Variants in SLC22A15 observed in about 807,000 individuals in gnomAD.
The protein encoded by SLC22A15 is flipt 1.
A neutral mutation model predicts 62.7 loss-of-function variants in SLC22A15; 45 were observed. The ratio of observed to expected loss-of-function variants is 0.72; its 90% CI spans 0.56 to 0.92. The LOEUF is 0.92. SLC22A15 is among the 40% of genes least tolerant of loss of function. The probability of loss-of-function intolerance (pLI) is 0.00; values close to 1 mark genes in which losing one functional copy is unlikely to be tolerated. For missense variants in SLC22A15, 622 were observed against 665.6 expected (o/e 0.93, Z 0.72); for synonymous variants, 264 against 267.0 (o/e 0.99, Z 0.11).
At chr1:116,026,547 A>G (rs999846018) in intron 4 of SLC22A15, among the ~76,000 whole-genome samples, 1 of 152,208 alleles carries the variant, frequency 6.6e-6, no homozygotes, top group South Asian at 2.1e-4. Context: ...TATTACCCAT[A>G]TGGCAAAAAT....
chr1:116,007,205 C>T (rs1273096167), intron 2 of SLC22A15, among the ~76,000 whole-genome samples: 2 of 152,148 alleles, frequency 1.3e-5, no homozygotes, highest in African/African-American at 4.8e-5. Context: ...AGCAGGTGCT[C>T]CAAGATGTAT....
At chr1:116,031,976 A>G (rs962503660) in intron 6 of SLC22A15, 1 of 1,066,162 alleles carries the variant, frequency 9.4e-7, no homozygotes, top group Non-Finnish European at 1.1e-6. Flanking sequence ...TGGCACTGGC[A>G]TCAAGCAGTT....
chr1:116,060,800 G>A (rs1020945959), intron 8 of SLC22A15, among the ~76,000 whole-genome samples: 2 of 152,180 alleles, frequency 1.3e-5, no homozygotes, highest in African/African-American at 2.4e-5. Flanking sequence ...TTTATCAGAA[G>A]CACCTTGTGG....
rs975070856 is a variant in SLC22A15 at position 116,068,113 on chromosome 1, A to G, written c.*1005A>G. The G allele has an allele frequency of 6.6e-6, 1 of 152,670 alleles. No homozygotes were observed. Among genetic ancestry groups the G allele is most frequent in the Non-Finnish European group, 1.5e-5 (1 of 68,038 alleles). 9.5% of individuals were successfully genotyped at this position (152,670 alleles called of 1,614,324 possible). A position where few individuals can be genotyped will look rare whatever the true frequency, so the allele number is the denominator to read the frequency against. The stretch of plus-strand genomic sequence containing the variant: ...AACTTCTTGTCCTAGATCAGCCCCA[A>G]TCTGTTTAATCAAAATGGAAGGTTC... On this transcript the variant is annotated 3_prime_UTR_variant, in exon 12 of 12. Coordinates refer to ENST00000369503, the MANE Select transcript of SLC22A15 (RefSeq NM_018420.3).
At chr1:116,038,226 T>A (rs966040812) in intron 8 of SLC22A15, among the ~76,000 whole-genome samples, 2 of 152,176 alleles carry the variant, frequency 1.3e-5, no homozygotes, top group Non-Finnish European at 2.9e-5. Context: ...GTTATGGAGC[T>A]TGCACTCCAG....
intron 8 of SLC22A15, among the ~76,000 whole-genome samples, chr1:116,046,234 GA>G (rs554577888): frequency 1.3e-5 from 2 of 151,568 alleles, no homozygotes; most frequent in Admixed American, 6.6e-5. Context: ...AGCACAAAAA[GA>G]AAAAAAATTC....
At position 115,988,851 on chromosome 1, in the gene SLC22A15, T is replaced by C. The variant is rs374194232; in HGVS notation, c.88-3180T>C. On this transcript the variant is annotated intron_variant, in intron 1 of 11. Coordinates refer to ENST00000369503, the MANE Select transcript of SLC22A15 (RefSeq NM_018420.3). ...CCGGGCTGAGGACCTAGTATTAATC[T>C]GAATGCAGTGTTTAAGCATTGCCTC... 2.8e-4 allele frequency among the ~76,000 whole-genome samples: 43 copies of C among 152,272 alleles called. No individual in the cohort carries two copies. In the South Asian group the frequency reaches 7.0e-3, roughly 25 times the overall value.
At chr1:116,043,942 A>C (rs1250460227) in intron 8 of SLC22A15, among the ~76,000 whole-genome samples, 1 of 152,230 alleles carries the variant, frequency 6.6e-6, no homozygotes, top group African/African-American at 2.4e-5. Flanking sequence ...TCTACTAAAA[A>C]AATTGAATTT....
intron 8 of SLC22A15, among the ~76,000 whole-genome samples, chr1:116,058,000 A>G (rs1362671826): frequency 6.6e-6 from 1 of 152,062 alleles, no homozygotes; most frequent in African/African-American, 2.4e-5. Context: ...TGGCACATGT[A>G]TACATATGTA....
At chr1:116,042,172 C>T (rs1657806306) in intron 8 of SLC22A15, among the ~76,000 whole-genome samples, 1 of 150,720 alleles carries the variant, frequency 6.6e-6, no homozygotes, top group Admixed American at 6.6e-5. Flanking sequence ...GAAAATACCT[C>T]CCACAAGTAG....
At chr1:116,049,734 A>G (rs947095946) in intron 8 of SLC22A15, among the ~76,000 whole-genome samples, 1 of 152,184 alleles carries the variant, frequency 6.6e-6, no homozygotes, top group African/African-American at 2.4e-5. Context: ...AGCAGAAGAA[A>G]GGAAATAACC....
At chr1:116,045,690 G>GA (rs1657912981) in intron 8 of SLC22A15, among the ~76,000 whole-genome samples, 1 of 130,502 alleles carries the variant, frequency 7.7e-6, no homozygotes, top group Non-Finnish European at 1.5e-5. Flanking sequence ...AGTGAGCCAA[G>GA]ATCGTGCTAC....
intron 8 of SLC22A15, among the ~76,000 whole-genome samples, chr1:116,045,849 A>G (rs1480805117): frequency 6.6e-6 from 1 of 151,962 alleles, no homozygotes; most frequent in Admixed American, 6.6e-5. Flanking sequence ...TATGAAATAG[A>G]ACCACATATA....
At chr1:116,030,415 G>A (rs984826521) in intron 5 of SLC22A15, among the ~76,000 whole-genome samples, 16 of 151,820 alleles carry the variant, frequency 1.1e-4, no homozygotes, top group Admixed American at 9.2e-4. Flanking sequence ...ATTCATCTAA[G>A]TTTCATTTTA....
chr1:115,985,633 T>C (rs1401301253), intron 1 of SLC22A15, among the ~76,000 whole-genome samples: 1 of 152,076 alleles, frequency 6.6e-6, no homozygotes, highest in African/African-American at 2.4e-5. Flanking sequence ...GGTCAGCTGG[T>C]GGTGTTACCA....
intron 8 of SLC22A15, among the ~76,000 whole-genome samples, chr1:116,046,065 C>T (rs898949120): frequency 1.3e-5 from 2 of 152,130 alleles, no homozygotes; most frequent in Non-Finnish European, 1.5e-5. Flanking sequence ...AATATAACTT[C>T]AACCTGTAAA....
chr1:116,008,183 ATAATTT>A (rs986217486), intron 2 of SLC22A15, among the ~76,000 whole-genome samples: 25 of 152,266 alleles, frequency 1.6e-4, no homozygotes, highest in African/African-American at 4.6e-4. Context: ...GGCACAAAAT[ATAATTT>A]TAAAGAGTTT....
At chr1:116,050,593 GC>G (rs1177488842) in intron 8 of SLC22A15, among the ~76,000 whole-genome samples, 1 of 152,024 alleles carries the variant, frequency 6.6e-6, no homozygotes, top group Non-Finnish European at 1.5e-5. Context: ...TGTAACAAAA[GC>G]CATCTATGAC....
At chr1:116,056,572 A>G (rs538975382) in intron 8 of SLC22A15, among the ~76,000 whole-genome samples, 166 of 151,790 alleles carry the variant, frequency 1.1e-3, no homozygotes, top group East Asian at 3.5e-3. Context: ...GTTCATATGG[A>G]ACCAAAAAAG....
Sources: gnomAD v4.1 joint callset for allele counts (sites outside exome capture counted in the v4.1 genomes callset) on GRCh38, gnomAD v4.1.1 for gene constraint, MANE v1.5 for transcripts, NCBI Gene and HGNC (gene_info 2026-07-23, HGNC 2026-07-21) for gene names.